The following ADAMTS19 variants were observed in gnomAD, a reference collection of about 807,000 sequenced individuals.
ADAMTS19 encodes the protein ADAM metallopeptidase with thrombospondin type 1 motif 19, also known as A disintegrin and metalloproteinase with thrombospondin motifs 19.
A neutral mutation model predicts 153.3 loss-of-function variants in ADAMTS19; 93 were observed. The ratio of observed to expected loss-of-function variants is 0.61; its 90% CI spans 0.51 to 0.72. The LOEUF (loss-of-function observed/expected upper bound fraction) is 0.72, where lower values mean the gene tolerates loss of function less well. Ranked by LOEUF, ADAMTS19 falls within the 30% of genes least tolerant of loss-of-function variation. ADAMTS19 has a pLI of 0.00. For synonymous variants in ADAMTS19, 600 were observed against 556.6 expected, an observed-to-expected ratio of 1.08 and a Z score of -1.10; for missense variants, 1,482 against 1,552.1, an observed-to-expected ratio of 0.95 and a Z score of 0.76.
At chr5:129,715,965 G>GAGAGAAGC (rs1303100052) in intron 21 of ADAMTS19, among the ~76,000 whole-genome samples, 1 of 152,094 alleles carries the variant, frequency 6.6e-6, no homozygotes, top group East Asian at 1.9e-4. Context: ...AAAGGTGTGT[G>GAGAGAAGC]AGAGAAGCAG....
rs1019645373 is a variant in ADAMTS19, at chr5:129,701,160, A to G, written c.2955-228A>G. ...TTTATAAAGGGGCATTCCCCTGCAC[A>G]CACCCTCTCTTGCCTCCTGCCATAC... On this transcript the variant is annotated intron_variant, in intron 19 of 22. Transcript: ENST00000274487. Among the ~76,000 whole-genome samples the G allele has an allele frequency of 2.0e-5, 3 of 150,118 alleles. No individual in the cohort carries two copies. In the East Asian group the frequency reaches 5.9e-4, roughly 29 times the overall value.
intron 2 of ADAMTS19, among the ~76,000 whole-genome samples, chr5:129,485,453 A>G (rs1438470012): frequency 6.6e-6 from 1 of 152,114 alleles, no homozygotes; most frequent in Non-Finnish European, 1.5e-5. Context: ...TATAAAGAAT[A>G]AAGGAAATAA....
chr5:129,595,723 T>C (rs368724998), intron 7 of ADAMTS19, among the ~76,000 whole-genome samples: 1 of 152,024 alleles, frequency 6.6e-6, no homozygotes, highest in South Asian at 2.1e-4. Context: ...ATATGGGAAA[T>C]AGAGAACATA....
intron 7 of ADAMTS19, among the ~76,000 whole-genome samples, chr5:129,592,573 C>T (rs1159796055): frequency 6.6e-6 from 1 of 152,030 alleles, no homozygotes; most frequent in African/African-American, 2.4e-5. Context: ...TACAGTCATT[C>T]TCTATAACTT....
At position 129,738,238 on chromosome 5, in the gene ADAMTS19, C is replaced by G. The variant is rs550103940; in HGVS notation, c.*1020C>G. 7.9e-5 allele frequency: 12 copies of G among 151,924 alleles called. No individual in the cohort carries two copies. The East Asian group carries it at 2.3e-3, about 30-fold the overall frequency. 9.4% of individuals were successfully genotyped at this position (151,924 alleles called of 1,614,324 possible). On this transcript the variant is annotated 3_prime_UTR_variant, in exon 23 of 23. Transcript: ENST00000274487. ...TAAAAAGTTTTACAATTATGTGAAA[C>G]GTTCAAAAGCCAGCTTAAAATTTTT...
chr5:129,534,324 A>G (rs930949333), intron 6 of ADAMTS19, among the ~76,000 whole-genome samples: 17 of 152,172 alleles, frequency 1.1e-4, no homozygotes, highest in Non-Finnish European at 2.2e-4. Context: ...GAAAATCTAG[A>G]AGAAATGGAT....
chr5:129,514,281 T>A (rs1362621972), intron 3 of ADAMTS19, among the ~76,000 whole-genome samples: 3 of 152,142 alleles, frequency 2.0e-5, no homozygotes, highest in African/African-American at 7.2e-5. Flanking sequence ...ATACACTGAT[T>A]TCCTTTCTTT....
At chr5:129,641,569 T>C (rs1752786903) in intron 10 of ADAMTS19, among the ~76,000 whole-genome samples, 1 of 152,180 alleles carries the variant, frequency 6.6e-6, no homozygotes, top group Non-Finnish European at 1.5e-5. Flanking sequence ...CTTAATTTTT[T>C]CTGTTGTATC....
Position 129,460,348 on chromosome 5 carries a change from G to A in ADAMTS19, c.-44G>A, listed in dbSNP as rs1241253766. 2 of 1,570,586 alleles carry A rather than the reference G, an allele frequency of 1.3e-6. No individual in the cohort carries two copies. The highest frequency in any genetic ancestry group is 1.4e-5 in the African/African-American group (1 of 73,824). ...GCTGCGCCCCGGAGTGGATCGCGCT[G>A]GAGGCGTGCGCCGGGCGAGAAGCCG... On this transcript the variant is annotated 5_prime_UTR_variant, in exon 1 of 23. Transcript: ENST00000274487.
At chr5:129,552,018 GT>G in intron 7 of ADAMTS19, 111 bp downstream of exon 7, 1 of 638,714 alleles carries the variant, frequency 1.6e-6, no homozygotes, top group Non-Finnish European at 2.6e-6. Context: ...ACTTCAAAAT[GT>G]CAGACATACA....
In ADAMTS19 at chr5:129,702,942, ATATATATATATAT is replaced by A. The variant is rs1232462291; in HGVS notation, c.3160-1296_3160-1284del. Reference sequence around the variant, plus strand: ...AGTTTGACTTGCCAAAAAAAAAAAAATATATATATATATATATATATATATATATACAAATACA... The same window carrying A: ...AGTTTGACTTGCCAAAAAAAAAAAAAATATATATATATATATACAAATACA... On this transcript the variant is annotated intron_variant, in intron 20 of 22. Coordinates refer to ENST00000274487, the MANE Select transcript of ADAMTS19 (RefSeq NM_133638.6). Among the ~76,000 whole-genome samples the A allele has an allele frequency of 1.2e-3, 24 of 19,884 alleles. 3 individuals are homozygous for A. The South Asian group carries it at 0.035, about 29-fold the overall frequency. The allele number at this position is 19,884 out of a possible 152,430, so 13.0% of individuals were successfully genotyped here.
chr5:129,615,022 C>T (rs1751440054), intron 8 of ADAMTS19, among the ~76,000 whole-genome samples: 1 of 152,042 alleles, frequency 6.6e-6, no homozygotes. Flanking sequence ...AACCACTGCT[C>T]AGCAAAATAA....
rs1755819819 is a variant in ADAMTS19, at chr5:129,701,063, T to C, written c.2955-325T>C. Among the ~76,000 whole-genome samples the C allele has an allele frequency of 1.3e-5, 2 of 151,686 alleles. 1 individual carries two copies. Among genetic ancestry groups the C allele is most frequent in the Admixed American group, 1.3e-4 (2 of 15,212 alleles). ...CATGAGAGGGACCGGTAGGAGGTAATTGAATCATGGGGGTGGGTCTTTCCC... is the reference window on the plus strand; with the variant it reads ...CATGAGAGGGACCGGTAGGAGGTAACTGAATCATGGGGGTGGGTCTTTCCC... On this transcript the variant is annotated intron_variant, in intron 19 of 22. Coordinates refer to ENST00000274487, the MANE Select transcript of ADAMTS19 (RefSeq NM_133638.6).
At chr5:129,669,760 G>A (rs1356494676) in intron 16 of ADAMTS19, among the ~76,000 whole-genome samples, 2 of 151,736 alleles carry the variant, frequency 1.3e-5, no homozygotes, top group Non-Finnish European at 2.9e-5. Context: ...ATAAGGTATG[G>A]CTTTGGCATG....
intron 21 of ADAMTS19, among the ~76,000 whole-genome samples, chr5:129,724,686 C>T (rs1757133546): frequency 6.6e-6 from 1 of 152,092 alleles, no homozygotes; most frequent in Admixed American, 6.5e-5. Flanking sequence ...AAGAGAAGGA[C>T]TCCGGAGTGT....
intron 2 of ADAMTS19, among the ~76,000 whole-genome samples, chr5:129,496,743 T>C (rs563794294): frequency 2.7e-4 from 41 of 152,210 alleles, no homozygotes; most frequent in African/African-American, 9.9e-4. Context: ...CCATGGTGAA[T>C]GGCTCCAAAA....
chr5:129,527,679 A>C, intron 4 of ADAMTS19, 69 bp from the exon 5 acceptor site: 5 of 563,808 alleles, frequency 8.9e-6, no homozygotes, highest in African/African-American at 2.1e-5. Context: ...ATCTCCATGT[A>C]TGGGCCTTGA....
chr5:129,677,301 C>T (rs910086296), intron 16 of ADAMTS19, among the ~76,000 whole-genome samples: 13 of 152,202 alleles, frequency 8.5e-5, no homozygotes, highest in African/African-American at 2.4e-4. Context: ...CATGACAAAA[C>T]GCTGTTTCTA....
chr5:129,509,309 T>C, intron 3 of ADAMTS19, 67 bp downstream of exon 3: 1 of 1,411,850 alleles, frequency 7.1e-7, no homozygotes, highest in Non-Finnish European at 9.6e-7. Flanking sequence ...TTAAAAAAAC[T>C]CTCTCGTCTA....
Sources: allele counts gnomAD v4.1 joint callset (sites outside exome capture counted in the v4.1 genomes callset), GRCh38; gene constraint gnomAD v4.1.1; transcripts MANE v1.5; gene names NCBI Gene and HGNC (gene_info 2026-07-23, HGNC 2026-07-21).